Variants in MEIS1 observed in about 807,000 individuals in gnomAD.
The protein encoded by MEIS1 is homeobox protein Meis1.
Under a neutral mutation model 50.8 loss-of-function variants are expected in MEIS1, and 5 were observed. That is an observed-to-expected ratio of 0.10 (90% CI 0.05 to 0.21). The LOEUF is 0.21. Ranked by LOEUF, MEIS1 falls within the 10% of genes least tolerant of loss-of-function variation. The probability of loss-of-function intolerance (pLI) is 1.00; values close to 1 mark genes in which losing one functional copy is unlikely to be tolerated. For synonymous variants in MEIS1, 176 were observed against 179.3 expected (o/e 0.98, Z 0.15); for missense variants, 318 against 517.3 (o/e 0.61, Z 3.74).
intron 3 of MEIS1, 103 bp downstream of exon 3, chr2:66,440,087 A>ACACACACACACACC: frequency 4.7e-6 from 5 of 1,068,096 alleles, no homozygotes; most frequent in Non-Finnish European, 6.6e-6. Flanking sequence ...ACACACACAC[A>ACACACACACACACC]CACACGGCAC....
In MEIS1 at chr2:66,460,834, G is replaced by C. The variant is rs192124809; in HGVS notation, c.631-3275G>C. 3.6e-3 allele frequency among the ~76,000 whole-genome samples: 543 copies of C among 152,204 alleles called. 2 individuals are homozygous for C. The highest frequency in any genetic ancestry group is 0.013 in the African/African-American group (524 of 41,510). On this transcript the variant is annotated intron_variant, in intron 6 of 12. Coordinates refer to ENST00000272369, the MANE Select transcript of MEIS1 (RefSeq NM_002398.3). The stretch of plus-strand genomic sequence containing the variant: ...GTGGTTCTCAAATTTTGAGAGCACT[G>C]TATACCTGTTTGAGAATCTGATAAA...
chr2:66,522,659 C>T (rs1010256409), intron 8 of MEIS1, among the ~76,000 whole-genome samples: 3 of 152,132 alleles, frequency 2.0e-5, no homozygotes, highest in African/African-American at 4.8e-5. Context: ...AGTGAAAAGG[C>T]AATTTGTGAA....
intron 7 of MEIS1, among the ~76,000 whole-genome samples, chr2:66,511,356 T>C (rs951717966): frequency 5.3e-5 from 8 of 152,104 alleles, no homozygotes; most frequent in African/African-American, 1.9e-4. Flanking sequence ...ATAATAAAAA[T>C]CAATAGAAAA....
At chr2:66,523,351 G>A (rs1320011861) in intron 8 of MEIS1, among the ~76,000 whole-genome samples, 1 of 152,154 alleles carries the variant, frequency 6.6e-6, no homozygotes, top group Non-Finnish European at 1.5e-5. Flanking sequence ...CTGCATGCAA[G>A]GTTGTAGGCT....
intron 8 of MEIS1, among the ~76,000 whole-genome samples, chr2:66,521,795 C>G (rs1674128459): frequency 6.6e-6 from 1 of 152,162 alleles, no homozygotes; most frequent in Non-Finnish European, 1.5e-5. Context: ...GCGTATAATG[C>G]TGGCAAATCT....
chr2:66,567,395 C>T (rs1159012248), intron 9 of MEIS1, 58 bp from the exon 10 acceptor site: 1 of 1,557,806 alleles, frequency 6.4e-7, no homozygotes, highest in African/African-American at 1.4e-5. Flanking sequence ...TTTCCTCTTC[C>T]TCAACCCCCC....
chr2:66,487,803 TC>T (rs1673178375), intron 7 of MEIS1, among the ~76,000 whole-genome samples: 1 of 152,222 alleles, frequency 6.6e-6, no homozygotes, highest in Admixed American at 6.5e-5. Context: ...CGACTGAAAT[TC>T]TAAGAACCAA....
chr2:66,439,355 TCCC>T, intron 2 of MEIS1: 1 of 1,222,910 alleles, frequency 8.2e-7, no homozygotes, highest in Non-Finnish European at 1.0e-6. Flanking sequence ...GGACGTCCTT[TCCC>T]CAAGTTAGCT....
intron 9 of MEIS1, among the ~76,000 whole-genome samples, chr2:66,549,211 AT>A (rs1674859724): frequency 6.6e-6 from 1 of 152,184 alleles, no homozygotes; most frequent in Admixed American, 6.5e-5. Context: ...TGGAGGATTA[AT>A]TTACAAAGTG....
chr2:66,495,345 C>G (rs1673376260), intron 7 of MEIS1, among the ~76,000 whole-genome samples: 1 of 152,072 alleles, frequency 6.6e-6, no homozygotes, highest in Non-Finnish European at 1.5e-5. Context: ...AGCTTTGGGT[C>G]TGCAGTGATC....
chr2:66,517,267 C>T (rs1376707563), intron 8 of MEIS1, among the ~76,000 whole-genome samples: 1 of 152,126 alleles, frequency 6.6e-6, no homozygotes, highest in Non-Finnish European at 1.5e-5. Context: ...CAAACTAGTC[C>T]TAATCTACCT....
At position 66,547,943 on chromosome 2, in the gene MEIS1, C is replaced by T; in HGVS notation, c.889C>T (p.His297Tyr). 1.2e-6 allele frequency: 2 copies of T among 1,612,932 alleles called. No homozygotes were observed. The highest frequency in any genetic ancestry group is 1.7e-6 in the Non-Finnish European group (2 of 1,179,188). ...ACGTATCTTTTTTATTCTCTTTCAG[C>T]ACCCTTACCCTTCTGAAGAACAGAA... ...MRAWLFQHLT[H>Y]PYPSEEQKKQ... The change falls in exon 9 of 13, where the codon CAC becomes TAC. Residue 297 changes from histidine (H) to tyrosine (Y), a missense_variant and splice_region_variant. This residue lies in a region of MEIS1 where 40 missense variants were observed against 102.8 expected (regional missense o/e 0.39). Transcript: ENST00000272369.
At chr2:66,535,478 C>T (rs150277491) in intron 8 of MEIS1, among the ~76,000 whole-genome samples, 1,676 of 152,306 alleles carry the variant, frequency 0.011, 12 homozygotes, top group Non-Finnish European at 0.019. Context: ...AGCCTTCTCC[C>T]ACTCATCTAA....
At chr2:66,474,560 C>T (rs1271142907) in intron 7 of MEIS1, among the ~76,000 whole-genome samples, 1 of 151,946 alleles carries the variant, frequency 6.6e-6, no homozygotes, top group Non-Finnish European at 1.5e-5. Context: ...TTATGCCAAG[C>T]ATTTTCCTCA....
At chr2:66,549,845 A>G (rs980700734) in intron 9 of MEIS1, among the ~76,000 whole-genome samples, 1 of 152,152 alleles carries the variant, frequency 6.6e-6, no homozygotes, top group Non-Finnish European at 1.5e-5. Context: ...AAATCCCAAT[A>G]CAAGTTGCTT....
At chr2:66,495,266 T>G (rs1339564486) in intron 7 of MEIS1, among the ~76,000 whole-genome samples, 1 of 152,134 alleles carries the variant, frequency 6.6e-6, no homozygotes, top group African/African-American at 2.4e-5. Flanking sequence ...ACTGTGATTC[T>G]TAAAGGTTAT....
At chr2:66,473,527 T>C (rs865775714) in intron 7 of MEIS1, among the ~76,000 whole-genome samples, 185 of 151,620 alleles carry the variant, frequency 1.2e-3, no homozygotes, top group African/African-American at 4.3e-3. Flanking sequence ...TTTTAAGATA[T>C]TTATAACAAC....
chr2:66,547,992 G>T lies in MEIS1; in HGVS notation c.938G>T (p.Gly313Val). 6.2e-7 allele frequency: 1 copy of T among 1,613,086 alleles called. No individual in the cohort carries two copies. Among genetic ancestry groups the T allele is most frequent in the South Asian group, 1.1e-5 (1 of 91,008 alleles). Residue 313 changes from glycine to valine, a missense_variant, in exon 9 of 13, where the codon GGA becomes GTA. By Grantham distance (109) the Gly-to-Val change is moderately radical. Coordinates refer to ENST00000272369, the MANE Select transcript of MEIS1 (RefSeq NM_002398.3). ...EQKKQLAQDTGLTILQVNNWF... is the reference protein window; with the variant it reads ...EQKKQLAQDTVLTILQVNNWF... ...AAAAAGCAGTTGGCACAAGACACGG[G>T]ACTCACCATCCTTCAAGTGAACAAT...
chr2:66,444,654 TG>T (rs1467325189), intron 6 of MEIS1, among the ~76,000 whole-genome samples: 3 of 152,220 alleles, frequency 2.0e-5, no homozygotes, highest in African/African-American at 7.2e-5. Flanking sequence ...CTCCCAGCCT[TG>T]GCCCCCGCGG....
Sources: gnomAD v4.1 joint callset for allele counts (sites outside exome capture counted in the v4.1 genomes callset) on GRCh38, gnomAD v4.1.1 for gene constraint, gnomAD v4.1.1 regional missense constraint, MANE v1.5 for transcripts, NCBI Gene and HGNC (gene_info 2026-07-23, HGNC 2026-07-21) for gene names.